The following PID1 variants were observed in gnomAD, a reference collection of about 807,000 sequenced individuals.
The protein encoded by PID1 is PTB-containing, cubilin and LRP1-interacting protein.
In PID1, 10 loss-of-function variants were observed where a neutral mutation model predicts 19.1. The observed-to-expected ratio is 0.52, with a 90% CI of 0.32 to 0.89. The LOEUF (loss-of-function observed/expected upper bound fraction) is 0.89. PID1 is among the 40% of genes least tolerant of loss of function. The pLI is 0.03. For missense variants in PID1, 248 were observed against 285.3 expected (o/e 0.87, Z 0.94); for synonymous variants, 130 against 116.0 (o/e 1.12, Z -0.78).
intron 2 of PID1, among the ~76,000 whole-genome samples, chr2:229,035,101 G>A (rs973356902): frequency 1.2e-4 from 19 of 152,114 alleles, no homozygotes; most frequent in Admixed American, 1.0e-3. Context: ...ATTTGGGTAG[G>A]GCATGGTGCC....
intron 2 of PID1, among the ~76,000 whole-genome samples, chr2:229,073,376 CTTGAGAG>C (rs1054214109): frequency 6.6e-5 from 10 of 152,144 alleles, no homozygotes; most frequent in African/African-American, 2.2e-4. Context: ...CAGGTAATCT[CTTGAGAG>C]TTGAGAGGCA....
intron 1 of PID1, among the ~76,000 whole-genome samples, chr2:229,184,936 A>G (rs1191823900): frequency 7.6e-6 from 1 of 131,352 alleles, no homozygotes; most frequent in African/African-American, 2.7e-5. Context: ...TGTATCCCAT[A>G]TATATATCCT....
chr2:229,107,346 C>G (rs2106144285), intron 2 of PID1, among the ~76,000 whole-genome samples: 1 of 152,168 alleles, frequency 6.6e-6, no homozygotes, highest in Non-Finnish European at 1.5e-5. Context: ...GGAAAGACTT[C>G]TTAATCTCCA....
intron 2 of PID1, among the ~76,000 whole-genome samples, chr2:229,089,488 C>T (rs1156458706): frequency 6.6e-6 from 1 of 152,140 alleles, no homozygotes; most frequent in Non-Finnish European, 1.5e-5. Context: ...CTAGACGCCG[C>T]CATTTCCCTC....
At chr2:229,148,769 A>G (rs1195438276) in intron 2 of PID1, among the ~76,000 whole-genome samples, 2 of 150,328 alleles carry the variant, frequency 1.3e-5, no homozygotes, top group East Asian at 4.0e-4. Context: ...AGAGGGAAGG[A>G]GGGAGGGAAG....
chr2:229,211,514 C>A (rs962170737), intron 1 of PID1, among the ~76,000 whole-genome samples: 2 of 152,048 alleles, frequency 1.3e-5, no homozygotes, highest in African/African-American at 4.8e-5. Flanking sequence ...ATATTTTTTA[C>A]CCATTTGAAC....
chr2:229,054,715 TGTGTGGGGG>T (rs1347718810), intron 2 of PID1, among the ~76,000 whole-genome samples: 5 of 14,528 alleles, frequency 3.4e-4, no homozygotes, highest in East Asian at 6.4e-3. Flanking sequence ...TGTGTGTGTG[TGTGTGGGGG>T]GGGGGGGGGG....
At position 229,048,568 on chromosome 2, in the gene PID1, CAG is replaced by C. The variant is rs1290274956; in HGVS notation, c.178-22462_178-22461del. On this transcript the variant is annotated intron_variant, in intron 2 of 2. Coordinates refer to ENST00000392055, the MANE Select transcript of PID1 (RefSeq NM_001100818.2). The stretch of plus-strand genomic sequence containing the variant: ...AAAATTTGGTTCTTAAAACTCCACT[CAG>C]GGGCACTAACCACGGCAGGAAGGGA... 3.3e-5 allele frequency among the ~76,000 whole-genome samples: 5 copies of C among 152,160 alleles called. No homozygotes were observed. The East Asian group carries it at 9.6e-4, about 29-fold the overall frequency.
chr2:229,265,601 CTCTGTTT>C, intron 1 of PID1, among the ~76,000 whole-genome samples: 1 of 152,170 alleles, frequency 6.6e-6, no homozygotes. Flanking sequence ...TATATAAAGC[CTCTGTTT>C]AAATTTGTGT....
chr2:229,029,075 A>T (rs1693487920), intron 2 of PID1, among the ~76,000 whole-genome samples: 1 of 151,928 alleles, frequency 6.6e-6, no homozygotes, highest in Non-Finnish European at 1.5e-5. Flanking sequence ...GACCACCAGG[A>T]GGGGGAGGGT....
chr2:229,115,529 T>C (rs1448460257), intron 2 of PID1, among the ~76,000 whole-genome samples: 1 of 152,172 alleles, frequency 6.6e-6, no homozygotes. Flanking sequence ...CTACACATTT[T>C]AAAGCAGAAT....
chr2:229,105,373 T>G (rs1380807852), intron 2 of PID1, among the ~76,000 whole-genome samples: 1 of 152,188 alleles, frequency 6.6e-6, no homozygotes, highest in African/African-American at 2.4e-5. Flanking sequence ...AAAAGCTGAA[T>G]AACCAATTCA....
chr2:229,257,407 G>A (rs561457968), intron 1 of PID1, among the ~76,000 whole-genome samples: 52 of 152,070 alleles, frequency 3.4e-4, no homozygotes, highest in African/African-American at 1.2e-3. Flanking sequence ...CCTCTTCCTG[G>A]CTTTCCTGTC....
At chr2:229,206,722 G>C (rs1250253985) in intron 1 of PID1, among the ~76,000 whole-genome samples, 1 of 152,092 alleles carries the variant, frequency 6.6e-6, no homozygotes, top group Non-Finnish European at 1.5e-5. Context: ...CCATCTGCTG[G>C]GCTGAAGCCA....
intron 2 of PID1, among the ~76,000 whole-genome samples, chr2:229,034,196 G>T (rs754340423): frequency 2.6e-5 from 4 of 152,116 alleles, no homozygotes; most frequent in Non-Finnish European, 5.9e-5. Flanking sequence ...AATTTTGGAG[G>T]TCTAGAAGAA....
intron 2 of PID1, among the ~76,000 whole-genome samples, chr2:229,133,429 T>C (rs1475946055): frequency 6.6e-6 from 1 of 152,244 alleles, no homozygotes; most frequent in East Asian, 1.9e-4. Flanking sequence ...CTTTACCAAT[T>C]TCTTCCACGG....
chr2:229,147,494 C>A (rs1690159309), intron 2 of PID1, among the ~76,000 whole-genome samples: 1 of 151,832 alleles, frequency 6.6e-6, no homozygotes, highest in Non-Finnish European at 1.5e-5. Flanking sequence ...CGTTCTATTA[C>A]AAATATCTAC....
At chr2:229,215,312 C>T (rs769841281) in intron 1 of PID1, among the ~76,000 whole-genome samples, 2 of 152,132 alleles carry the variant, frequency 1.3e-5, no homozygotes, top group African/African-American at 4.8e-5. Flanking sequence ...GAGTCTTTTG[C>T]CCATTTTTCT....
Position 229,224,671 on chromosome 2 carries a change from TA to T in PID1, c.30+46342del, listed in dbSNP as rs1452260339. Among the ~76,000 whole-genome samples the T allele has an allele frequency of 4.6e-5, 7 of 152,262 alleles. No individual in the cohort carries two copies. The East Asian group carries it at 1.4e-3, about 29-fold the overall frequency. On this transcript the variant is annotated intron_variant, in intron 1 of 2. Coordinates refer to ENST00000392055, the MANE Select transcript of PID1 (RefSeq NM_001100818.2). ...GGACAAAATTAAAAATAGCGATCCATAAGGTAAAACAGATATTAGTACTCCA... is the reference window on the plus strand; with the variant it reads ...GGACAAAATTAAAAATAGCGATCCATAGGTAAAACAGATATTAGTACTCCA...
Sources: allele counts gnomAD v4.1 joint callset (sites outside exome capture counted in the v4.1 genomes callset), GRCh38; gene constraint gnomAD v4.1.1; transcripts MANE v1.5; gene names NCBI Gene and HGNC (gene_info 2026-07-23, HGNC 2026-07-21).